LY6S: variants seen among roughly 807,000 people sequenced by gnomAD.
LY6S encodes lymphocyte antigen 6 family member S.
chr8:143,044,169 T>G, the LY6S span: 19 of 456,152 alleles, frequency 4.2e-5, no homozygotes, highest in Non-Finnish European at 7.0e-5. Context: ...GCTAACTGTC[T>G]CCAGGTTCTT....
chr8:143,071,663 C>T, the LY6S span, among the ~76,000 whole-genome samples: 60 of 152,196 alleles, frequency 3.9e-4, no homozygotes, highest in African/African-American at 1.2e-3. Flanking sequence ...TCCTGGAAGC[C>T]GCTGCAATCC....
chr8:143,047,390 C>T, the LY6S span, among the ~76,000 whole-genome samples: 3 of 152,014 alleles, frequency 2.0e-5, no homozygotes, highest in Non-Finnish European at 4.4e-5. Context: ...GATCTGCCTG[C>T]CTCGGCCTCC....
the LY6S span, among the ~76,000 whole-genome samples, chr8:143,052,597 A>G: frequency 6.6e-6 from 1 of 152,186 alleles, no homozygotes; most frequent in Non-Finnish European, 1.5e-5. Context: ...CTCTCCCCCA[A>G]GAACAGAGAA....
At chr8:143,051,826 G>T in the LY6S span, among the ~76,000 whole-genome samples, 2 of 150,742 alleles carry the variant, frequency 1.3e-5, no homozygotes, top group East Asian at 3.9e-4. Context: ...ACAAAAATTA[G>T]CCGGGCATGG....
At chr8:143,049,803 C>T in the LY6S span, among the ~76,000 whole-genome samples, 1 of 152,258 alleles carries the variant, frequency 6.6e-6, no homozygotes, top group African/African-American at 2.4e-5. Flanking sequence ...AGAGAAACTG[C>T]TCCCCTTATG....
the LY6S span, among the ~76,000 whole-genome samples, chr8:143,067,149 A>G: frequency 3.3e-4 from 50 of 152,306 alleles, no homozygotes; most frequent in East Asian, 3.3e-3. Context: ...CACTCTTGTT[A>G]TGTGAGATAC....
chr8:143,046,801 A>G, the LY6S span, among the ~76,000 whole-genome samples: 3 of 151,858 alleles, frequency 2.0e-5, no homozygotes, highest in East Asian at 3.9e-4. Context: ...GGAGTTCGAG[A>G]TCGGCCTGGT....
At chr8:143,052,211 G>A in the LY6S span, among the ~76,000 whole-genome samples, 2 of 152,002 alleles carry the variant, frequency 1.3e-5, no homozygotes, top group South Asian at 4.2e-4. Flanking sequence ...AACCCGGGAG[G>A]CAGAGCTTGC....
At chr8:143,075,083 GTTAT>G in the LY6S span, among the ~76,000 whole-genome samples, 2 of 152,296 alleles carry the variant, frequency 1.3e-5, no homozygotes, top group South Asian at 2.1e-4. This position sits in a 1 kb window ranked among gnomAD's most constrained non-coding sequence, Gnocchi z 4.1. Context: ...AAATCTGGGA[GTTAT>G]TTGTCATTAT....
chr8:143,044,803 G>A, the LY6S span: 3 of 1,366,578 alleles, frequency 2.2e-6, no homozygotes, highest in South Asian at 1.1e-5. Context: ...ACCCTGAGCT[G>A]GGAGAGAGGG....
chr8:143,040,896 C>A, the LY6S span, among the ~76,000 whole-genome samples: 1 of 152,214 alleles, frequency 6.6e-6, no homozygotes, highest in African/African-American at 2.4e-5. Flanking sequence ...TTCCGTGATG[C>A]CCCCTGAGCC....
chr8:143,065,406 T>C, the LY6S span, among the ~76,000 whole-genome samples: 2 of 152,180 alleles, frequency 1.3e-5, no homozygotes, highest in African/African-American at 4.8e-5. Context: ...TGCAGCCACA[T>C]ACATGCCAGC....
the LY6S span, among the ~76,000 whole-genome samples, chr8:143,073,845 G>GT: frequency 6.9e-6 from 1 of 145,642 alleles, no homozygotes; most frequent in Admixed American, 7.0e-5. Flanking sequence ...CGTCCCCGGG[G>GT]TCCCTGTTTG....
the LY6S span, chr8:143,044,625 T>C: frequency 3.0e-6 from 4 of 1,331,580 alleles, no homozygotes; most frequent in Non-Finnish European, 4.0e-6. Flanking sequence ...TGCAGCTATC[T>C]AAGAAGTGCC....
At chr8:143,044,530 G>GGT in the LY6S span, 1 of 197,898 alleles carries the variant, frequency 5.1e-6, no homozygotes. Flanking sequence ...TGCCCGCCAT[G>GGT]CCCACCCCAC....
At chr8:143,041,964 C>T in the LY6S span, among the ~76,000 whole-genome samples, 17 of 310 alleles carry the variant, frequency 0.055, 1 homozygote, top group African/African-American at 0.26. Flanking sequence ...CAGGCTGAGA[C>T]GGCCGTCCAC....
At chr8:143,048,430 G>A in the LY6S span, among the ~76,000 whole-genome samples, 1 of 150,482 alleles carries the variant, frequency 6.6e-6, no homozygotes, top group African/African-American at 2.5e-5. Context: ...TGGCCATTGT[G>A]ATTTATTGTC....
the LY6S span, among the ~76,000 whole-genome samples, chr8:143,050,490 G>A: frequency 1.1e-4 from 16 of 152,118 alleles, no homozygotes; most frequent in Non-Finnish European, 1.9e-4. Context: ...CCCAAAACCT[G>A]ACTTTCAGAC....
the LY6S span, among the ~76,000 whole-genome samples, chr8:143,056,364 G>A: frequency 3.3e-5 from 5 of 151,332 alleles, no homozygotes; most frequent in East Asian, 1.9e-4. Context: ...TCATAACCCC[G>A]AATATATATG....
Sources: allele counts gnomAD v4.1 joint callset (sites outside exome capture counted in the v4.1 genomes callset), GRCh38; gene constraint gnomAD v4.1.1; non-coding constraint Gnocchi (gnomAD v3.1); transcripts MANE v1.5; gene names NCBI Gene and HGNC (gene_info 2026-07-23, HGNC 2026-07-21).